The following NAALADL2 variants were observed in gnomAD, a reference collection of about 807,000 sequenced individuals.
NAALADL2 encodes N-acetylated alpha-linked acidic dipeptidase like 2.
Under a neutral mutation model 87.2 loss-of-function variants are expected in NAALADL2, and 76 were observed. The ratio of observed to expected loss-of-function variants is 0.87; its 90% CI spans 0.72 to 1.05. The LOEUF is 1.05. Ranked by LOEUF, NAALADL2 falls within the 50% of genes least tolerant of loss-of-function variation. The pLI is 0.00. For synonymous variants in NAALADL2, 354 were observed against 331.0 expected (o/e 1.07, Z -0.75); for missense variants, 1,089 against 945.8 (o/e 1.15, Z -1.99).
chr3:175,694,119 T>C (rs1293164753), intron 11 of NAALADL2, among the ~76,000 whole-genome samples: 1 of 152,164 alleles, frequency 6.6e-6, no homozygotes, highest in Admixed American at 6.6e-5. Context: ...ATTAATTTGT[T>C]TTTATGGCAT....
intron 1 of NAALADL2, among the ~76,000 whole-genome samples, chr3:174,452,874 A>G (rs550332031): frequency 2.0e-5 from 3 of 152,340 alleles, no homozygotes; most frequent in African/African-American, 7.2e-5. Context: ...AAGCTAGAGT[A>G]TCTTCTTTTC....
intron 5 of NAALADL2, among the ~76,000 whole-genome samples, chr3:175,388,479 A>T (rs887987603): frequency 2.6e-5 from 4 of 152,146 alleles, no homozygotes; most frequent in Non-Finnish European, 5.9e-5. Flanking sequence ...GAGTGAAATT[A>T]TATAGGAAAT....
intron 1 of NAALADL2, among the ~76,000 whole-genome samples, chr3:175,061,507 G>C (rs569001127): frequency 5.2e-4 from 79 of 152,118 alleles, no homozygotes; most frequent in Non-Finnish European, 9.3e-4. Flanking sequence ...TCTTCTGCTA[G>C]GGCTGGCTAA....
At chr3:175,566,199 C>G (rs994545692) in intron 9 of NAALADL2, among the ~76,000 whole-genome samples, 1 of 152,038 alleles carries the variant, frequency 6.6e-6, no homozygotes, top group Admixed American at 6.6e-5. Context: ...ATTGGGGACA[C>G]GTAACATATA....
chr3:175,013,652 T>C lies in NAALADL2; in HGVS notation c.44-83138T>C, dbSNP rs575926574. ...AATTGCCTAATTCTTATGATAGCTCTCTTGATTAAATGTTCCATTTGAGAA... is the reference window on the plus strand; with the variant it reads ...AATTGCCTAATTCTTATGATAGCTCCCTTGATTAAATGTTCCATTTGAGAA... On this transcript the variant is annotated intron_variant, in intron 1 of 13. Coordinates refer to ENST00000454872, the MANE Select transcript of NAALADL2 (RefSeq NM_207015.3). 1.7e-4 allele frequency among the ~76,000 whole-genome samples: 26 copies of C among 152,144 alleles called. 1 individual carries two copies. In the South Asian group the frequency reaches 4.1e-3, roughly 24 times the overall value.
chr3:175,698,309 ATATGTATGTGTATT>A lies in NAALADL2; in HGVS notation c.1897-38983_1897-38970del, dbSNP rs1309015172. Among the ~76,000 whole-genome samples the A allele has an allele frequency of 5.6e-5, 4 of 72,014 alleles. 1 individual carries two copies. The highest frequency in any genetic ancestry group is 8.4e-5 in the Non-Finnish European group (3 of 35,756). The allele number at this position is 72,014 out of a possible 152,430, so 47.2% of individuals were successfully genotyped here. A position where few individuals can be genotyped will look rare whatever the true frequency, so the allele number is the denominator to read the frequency against. ...TGTATGTATACATATATATGTGTAT[ATATGTATGTGTATT>A]TATGTATGTGTATATATGTATGTGT... On this transcript the variant is annotated intron_variant, in intron 11 of 13. Transcript: ENST00000454872.
At chr3:174,533,038 A>G (rs964221777) in intron 1 of NAALADL2, among the ~76,000 whole-genome samples, 1 of 150,992 alleles carries the variant, frequency 6.6e-6, no homozygotes, top group African/African-American at 2.4e-5. Flanking sequence ...AAGAGGACTA[A>G]CTTTCTAGCT....
At chr3:174,837,906 G>A (rs1723536211) in intron 3 of NAALADL2, among the ~76,000 whole-genome samples, 1 of 151,450 alleles carries the variant, frequency 6.6e-6, no homozygotes, top group Admixed American at 6.6e-5. Context: ...AAGAATTGGT[G>A]CCAATCCTGT....
intron 1 of NAALADL2, among the ~76,000 whole-genome samples, chr3:175,078,362 A>T (rs561573658): frequency 1.3e-5 from 2 of 152,316 alleles, no homozygotes; most frequent in South Asian, 4.1e-4. Context: ...TAGGAAAGAA[A>T]GTTGTAGCAA....
intron 3 of NAALADL2, among the ~76,000 whole-genome samples, chr3:174,822,512 G>A (rs146655651): frequency 2.0e-5 from 3 of 152,204 alleles, no homozygotes; most frequent in East Asian, 1.9e-4. Flanking sequence ...AATGAGCTGC[G>A]TAACTGTTAC....
Position 175,403,527 on chromosome 3 carries a change from A to AT in NAALADL2, c.1091-43694dup, listed in dbSNP as rs889626124. ...ATAGCTCAGTAAAGGAATATCGTAT[A>AT]TTTTTTTTCTGTTTTCCGCCCACTT... On this transcript the variant is annotated intron_variant, in intron 5 of 13. Coordinates refer to ENST00000454872, the MANE Select transcript of NAALADL2 (RefSeq NM_207015.3). 4.6e-5 allele frequency among the ~76,000 whole-genome samples: 7 copies of AT among 151,932 alleles called. No individual in the cohort carries two copies. In the East Asian group the frequency reaches 7.7e-4, roughly 17 times the overall value.
At chr3:175,183,629 C>T (rs774024358) in intron 2 of NAALADL2, among the ~76,000 whole-genome samples, 5 of 151,968 alleles carry the variant, frequency 3.3e-5, no homozygotes, top group Non-Finnish European at 5.9e-5. Context: ...TGGTGTATCA[C>T]ATTTATAGGT....
At chr3:174,750,939 A>G (rs926598290) in intron 3 of NAALADL2, among the ~76,000 whole-genome samples, 10 of 152,162 alleles carry the variant, frequency 6.6e-5, no homozygotes, top group African/African-American at 1.9e-4. Flanking sequence ...AGTCAGCCCT[A>G]TATGCCAATT....
intron 5 of NAALADL2, among the ~76,000 whole-genome samples, chr3:175,445,927 T>C (rs1373704457): frequency 6.6e-6 from 1 of 152,112 alleles, no homozygotes; most frequent in Non-Finnish European, 1.5e-5. Context: ...CCTGCCATCA[T>C]CCTCACTAGG....
chr3:175,251,577 C>T (rs1029727328), intron 3 of NAALADL2, among the ~76,000 whole-genome samples: 1 of 152,094 alleles, frequency 6.6e-6, no homozygotes, highest in Non-Finnish European at 1.5e-5. Context: ...TAACATAGTA[C>T]CCCAACTAGT....
At chr3:175,518,188 G>A (rs1732148827) in intron 9 of NAALADL2, among the ~76,000 whole-genome samples, 1 of 152,146 alleles carries the variant, frequency 6.6e-6, no homozygotes, top group Non-Finnish European at 1.5e-5. Flanking sequence ...ATTTTGGGCT[G>A]CCTTTCATTA....
At chr3:174,570,251 TA>T (rs928123625) in intron 2 of NAALADL2, among the ~76,000 whole-genome samples, 2 of 152,192 alleles carry the variant, frequency 1.3e-5, no homozygotes, top group Middle Eastern at 3.4e-3. Flanking sequence ...TGGTCTCATT[TA>T]TTTTTTTTTT....
intron 11 of NAALADL2, among the ~76,000 whole-genome samples, chr3:175,733,014 T>A (rs1419923827): frequency 6.6e-6 from 1 of 152,104 alleles, no homozygotes; most frequent in Non-Finnish European, 1.5e-5. Context: ...CATCTACATT[T>A]ACCTATGTAA....
At chr3:175,467,456 A>G (rs187910724) in intron 8 of NAALADL2, among the ~76,000 whole-genome samples, 71 of 152,190 alleles carry the variant, frequency 4.7e-4, no homozygotes, top group African/African-American at 1.7e-3. Flanking sequence ...TTATTATTGT[A>G]TTTCTCCTTA....
Sources: allele counts gnomAD v4.1 joint callset (sites outside exome capture counted in the v4.1 genomes callset), GRCh38; gene constraint gnomAD v4.1.1; transcripts MANE v1.5; gene names NCBI Gene and HGNC (gene_info 2026-07-23, HGNC 2026-07-21).